The following MSL2 variants were observed in gnomAD, a reference collection of about 807,000 sequenced individuals.
The protein encoded by MSL2 is MSL complex subunit 2, also known as E3 ubiquitin-protein ligase MSL2.
In MSL2, 2 loss-of-function variants were observed where a neutral mutation model predicts 35.8. That is an observed-to-expected ratio of 0.06 (90% CI 0.02 to 0.18). The LOEUF (loss-of-function observed/expected upper bound fraction) is 0.18, where lower values mean the gene tolerates loss of function less well. MSL2 is among the 10% of genes least tolerant of loss of function. The pLI is 1.00. For missense variants in MSL2, 523 were observed against 706.7 expected, an observed-to-expected ratio of 0.74 and a Z score of 2.95; for synonymous variants, 296 against 255.7, an observed-to-expected ratio of 1.16 and a Z score of -1.50.
chr3:136,156,946 A>G (rs1467941822), intron 1 of MSL2, among the ~76,000 whole-genome samples: 6 of 152,240 alleles, frequency 3.9e-5, no homozygotes, highest in Non-Finnish European at 7.3e-5. Flanking sequence ...TGTTCACAAT[A>G]TATTTAGTTG....
chr3:136,157,937 A>G (rs569407813), intron 1 of MSL2, among the ~76,000 whole-genome samples: 1 of 152,354 alleles, frequency 6.6e-6, no homozygotes, highest in South Asian at 2.1e-4. Flanking sequence ...ACACCCAAAC[A>G]TAGAGGAGGA....
rs1939306062 is a variant in MSL2 at position 136,150,031 on chromosome 3, G to A, written c.*1116C>T. On this transcript the variant is annotated 3_prime_UTR_variant, in exon 2 of 2. Coordinates refer to ENST00000309993, the MANE Select transcript of MSL2 (RefSeq NM_018133.4). ...TCTTCCCCATAAAAATTAACCGGAAGAAGTGCATTTAAACTGAAACATACT... is the reference window on the plus strand; with the variant it reads ...TCTTCCCCATAAAAATTAACCGGAAAAAGTGCATTTAAACTGAAACATACT... 1 of 152,564 alleles carries A rather than the reference G, an allele frequency of 6.6e-6. No homozygotes were observed. Among genetic ancestry groups the A allele is most frequent in the Non-Finnish European group, 1.5e-5 (1 of 68,022 alleles). 9.5% of individuals were successfully genotyped at this position (152,564 alleles called of 1,614,324 possible).
At chr3:136,153,131 T>C (rs932938277) in intron 1 of MSL2, 1 of 870,510 alleles carries the variant, frequency 1.1e-6, no homozygotes, top group South Asian at 5.2e-5. Context: ...TCCCAGCTAT[T>C]CAGGAGGCTG....
chr3:136,157,027 G>A (rs1290514148), intron 1 of MSL2, among the ~76,000 whole-genome samples: 2 of 152,180 alleles, frequency 1.3e-5, no homozygotes, highest in Non-Finnish European at 2.9e-5. Flanking sequence ...TGTATGCACA[G>A]TAAAAATAGA....
intron 1 of MSL2, among the ~76,000 whole-genome samples, chr3:136,154,484 T>C (rs1939460176): frequency 1.3e-5 from 2 of 151,834 alleles, no homozygotes; most frequent in South Asian, 4.1e-4. Flanking sequence ...TCCAGACAAA[T>C]GGTCAGCAAT....
At chr3:136,173,703 A>G (rs913289665) in intron 1 of MSL2, among the ~76,000 whole-genome samples, 1 of 152,190 alleles carries the variant, frequency 6.6e-6, no homozygotes. Context: ...CACTGCCACC[A>G]TATGATCTTT....
chr3:136,195,097 G>A lies in MSL2; in HGVS notation c.17C>T (p.Ala6Val). Residue 6 changes from alanine (A) to valine (V), a missense_variant, in exon 1 of 2, where the codon GCT (alanine) becomes GTT (valine). Transcript: ENST00000309993. Reference sequence around the variant, plus strand: ...GCTCGCGGAAATGTAGAGAGCAGTAGCATTCACGGGGTTCATTGCAGACAC... The same window carrying A: ...GCTCGCGGAAATGTAGAGAGCAGTAACATTCACGGGGTTCATTGCAGACAC... The part of the protein sequence containing the change: MNPVN[A>V]TALYISASRL... 1 of 1,611,966 alleles carries A rather than the reference G, an allele frequency of 6.2e-7. No homozygotes were observed. The highest frequency in any genetic ancestry group is 1.7e-5 in the Admixed American group (1 of 59,100).
rs371573341 is a variant in MSL2, at chr3:136,151,964, A to C, written c.917T>G (p.Leu306Arg). The change falls in exon 2 of 2, where the codon CTT (leucine) becomes CGT (arginine). Residue 306 changes from leucine (L) to arginine (R), a missense_variant. By Grantham distance (102) the Leu-to-Arg change is moderately radical. Coordinates refer to ENST00000309993, the MANE Select transcript of MSL2 (RefSeq NM_018133.4). The surrounding 1 kb of genome is among the most constrained non-coding windows in gnomAD (Gnocchi z 5.2). ...ATVSNGPFLQLSSQSLSHNVF... is the reference protein window; with the variant it reads ...ATVSNGPFLQRSSQSLSHNVF... ...ATTATGGCTAAGAGACTGGGAAGAA[A>C]GCTGCAGAAAAGGTCCATTGGATAC... The C allele has an allele frequency of 2.5e-6, 4 of 1,614,144 alleles. No homozygotes were observed. The African/African-American group carries it at 5.3e-5, about 22-fold the overall frequency.
rs1331646731 is a variant in MSL2 at position 136,196,102 on chromosome 3, C to G, written c.-989G>C. 6.5e-6 allele frequency: 1 copy of G among 154,416 alleles called. No individual in the cohort carries two copies. Among genetic ancestry groups the G allele is most frequent in the African/African-American group, 2.4e-5 (1 of 41,390 alleles). 9.6% of individuals were successfully genotyped at this position (154,416 alleles called of 1,614,324 possible). On this transcript the variant is annotated 5_prime_UTR_variant, in exon 1 of 2. Transcript: ENST00000309993. ...AGGCCCCGCCGCCGCCCAGCGCACA[C>G]AGCAAGGCCCCGCCGCAGGCCCCTC...
chr3:136,164,606 C>G (rs920810536), intron 1 of MSL2, among the ~76,000 whole-genome samples: 4 of 152,064 alleles, frequency 2.6e-5, no homozygotes. Context: ...CACAGTTAAT[C>G]AAATATCTAA....
intron 1 of MSL2, among the ~76,000 whole-genome samples, chr3:136,167,684 T>C (rs770298503): frequency 3.1e-4 from 47 of 152,322 alleles, no homozygotes; most frequent in Non-Finnish European, 6.0e-4. Context: ...AGGTGATTTA[T>C]AATTAAAACC....
At chr3:136,169,786 T>C (rs1339902940) in intron 1 of MSL2, among the ~76,000 whole-genome samples, 1 of 151,804 alleles carries the variant, frequency 6.6e-6, no homozygotes, top group Non-Finnish European at 1.5e-5. Flanking sequence ...TAAATCATGG[T>C]TAACTGGCCA....
chr3:136,169,443 T>G (rs1255418535), intron 1 of MSL2, among the ~76,000 whole-genome samples: 1 of 151,790 alleles, frequency 6.6e-6, no homozygotes, highest in South Asian at 2.1e-4. Context: ...TTTTGGTGGG[T>G]TGTTTGTTTT....
chr3:136,190,986 T>A (rs560553591), intron 1 of MSL2, among the ~76,000 whole-genome samples: 2 of 152,172 alleles, frequency 1.3e-5, no homozygotes, highest in Non-Finnish European at 2.9e-5. Flanking sequence ...ATCAGCTAAT[T>A]AACATATCAA....
At position 136,193,755 on chromosome 3, in the gene MSL2, T is replaced by C. The variant is rs558071265; in HGVS notation, c.142+1217A>G. The stretch of plus-strand genomic sequence containing the variant: ...CTGAGGCCCAGGGCAGTTAGGTGAT[T>C]TGCCCTGGGCGACTATTCCTCTAAG... On this transcript the variant is annotated intron_variant, in intron 1 of 1. Coordinates refer to ENST00000309993, the MANE Select transcript of MSL2 (RefSeq NM_018133.4). Among the ~76,000 whole-genome samples the C allele has an allele frequency of 3.3e-5, 5 of 152,242 alleles. No individual in the cohort carries two copies. The East Asian group carries it at 9.6e-4, about 29-fold the overall frequency.
At chr3:136,183,986 GA>G (rs1940438674) in intron 1 of MSL2, among the ~76,000 whole-genome samples, 1 of 152,180 alleles carries the variant, frequency 6.6e-6, no homozygotes, top group Admixed American at 6.5e-5. Context: ...AATAATTGAA[GA>G]TCACATCATT....
chr3:136,184,218 C>T (rs1175951011), intron 1 of MSL2, among the ~76,000 whole-genome samples: 2 of 152,064 alleles, frequency 1.3e-5, no homozygotes, highest in African/African-American at 2.4e-5. Flanking sequence ...ATTGCTCGAA[C>T]CCGGGAGGCG....
chr3:136,158,990 C>G (rs1346439316), intron 1 of MSL2, among the ~76,000 whole-genome samples: 1 of 152,106 alleles, frequency 6.6e-6, no homozygotes, highest in East Asian at 1.9e-4. Context: ...TAGAAGACTA[C>G]CAATATATTG....
intron 1 of MSL2, among the ~76,000 whole-genome samples, chr3:136,174,833 T>C (rs1940125933): frequency 6.6e-6 from 1 of 152,222 alleles, no homozygotes; most frequent in African/African-American, 2.4e-5. Flanking sequence ...GAAACCTTAA[T>C]ATGTATATGT....
Sources: gnomAD v4.1 joint callset for allele counts (sites outside exome capture counted in the v4.1 genomes callset) on GRCh38, gnomAD v4.1.1 for gene constraint, Gnocchi (gnomAD v3.1) non-coding constraint, MANE v1.5 for transcripts, NCBI Gene and HGNC (gene_info 2026-07-23, HGNC 2026-07-21) for gene names.